MTFMT: variants seen among roughly 807,000 people sequenced by gnomAD.
MTFMT encodes the protein methionyl-tRNA formyltransferase, mitochondrial.
MTFMT carries 47 observed loss-of-function variants against 51.8 expected under a neutral mutation model. The observed-to-expected ratio is 0.91, with a 90% CI of 0.72 to 1.16. MTFMT has a LOEUF of 1.16. Ranked by LOEUF, MTFMT falls within the 50% of genes most tolerant of loss-of-function variation. The probability of loss-of-function intolerance (pLI) is 0.00; values close to 1 mark genes in which losing one functional copy is unlikely to be tolerated. For missense variants in MTFMT, 512 were observed against 482.3 expected (o/e 1.06, Z -0.58); for synonymous variants, 196 against 176.7 (o/e 1.11, Z -0.87).
chr15:65,012,007 C>T (rs1385251769), intron 6 of MTFMT, among the ~76,000 whole-genome samples: 1 of 151,744 alleles, frequency 6.6e-6, no homozygotes, highest in Non-Finnish European at 1.5e-5. Flanking sequence ...GCTTCTTTAA[C>T]TTTTACATAT....
chr15:65,007,130 T>C (rs2140474992), intron 6 of MTFMT, among the ~76,000 whole-genome samples: 1 of 152,340 alleles, frequency 6.6e-6, no homozygotes, highest in South Asian at 2.1e-4. Flanking sequence ...GCCTGGCCTC[T>C]TCAGCTCCTG....
At chr15:65,025,616 G>A (rs1461945786) in intron 2 of MTFMT, among the ~76,000 whole-genome samples, 2 of 152,116 alleles carry the variant, frequency 1.3e-5, no homozygotes, top group African/African-American at 4.8e-5. Flanking sequence ...GATTGGATAT[G>A]GGACGTAAGA....
chr15:65,029,466 C>G lies in MTFMT; in HGVS notation c.148G>C (p.Val50Leu). 6.5e-7 allele frequency: 1 copy of G among 1,532,850 alleles called. No individual in the cohort carries two copies. The highest frequency in any genetic ancestry group is 8.8e-7 in the Non-Finnish European group (1 of 1,141,748). The allele number at this position is 1,532,850 out of a possible 1,614,324, so 95.0% of individuals were successfully genotyped here. A position where few individuals can be genotyped will look rare whatever the true frequency, so the allele number is the denominator to read the frequency against. Residue 50 changes from valine (V) to leucine (L), a missense_variant, in exon 1 of 9, where the codon GTG (valine) becomes CTG (leucine). Coordinates refer to ENST00000220058, the MANE Select transcript of MTFMT (RefSeq NM_139242.4). ...SRVREKPPWR[V>L]LFFGTDQFAR... ...AACTGGTCCGTGCCGAAGAAGAGCACCCGCCAGGGAGGCTTCTCGCGGACT... is the reference window on the plus strand; with the variant it reads ...AACTGGTCCGTGCCGAAGAAGAGCAGCCGCCAGGGAGGCTTCTCGCGGACT...
intron 5 of MTFMT, 52 bp downstream of exon 5, chr15:65,020,145 C>A (rs1198063846): frequency 1.2e-5 from 18 of 1,516,056 alleles, no homozygotes; most frequent in Non-Finnish European, 1.6e-5. Context: ...CAGATGCTAT[C>A]GTGACAAGCA....
chr15:65,025,310 C>G (rs2086413097), intron 2 of MTFMT, among the ~76,000 whole-genome samples: 1 of 150,656 alleles, frequency 6.6e-6, no homozygotes, highest in Non-Finnish European at 1.5e-5. Context: ...AAGGCTGAGG[C>G]AGGAAGATCC....
At chr15:65,005,146 A>G (rs1244381607) in intron 7 of MTFMT, among the ~76,000 whole-genome samples, 1 of 152,208 alleles carries the variant, frequency 6.6e-6, no homozygotes, top group Non-Finnish European at 1.5e-5. Context: ...TCCCATGCAC[A>G]TACAAAGCTA....
At chr15:65,021,694 C>A (rs995361428) in intron 3 of MTFMT, 78 bp from the exon 4 acceptor site, 48 of 1,181,740 alleles carry the variant, frequency 4.1e-5, no homozygotes, top group Middle Eastern at 4.2e-4. Flanking sequence ...CAAAAAGATA[C>A]AAGCTGGGTA....
chr15:65,026,109 A>C (rs2140490244), intron 2 of MTFMT: 1 of 153,164 alleles, frequency 6.5e-6, no homozygotes, highest in East Asian at 1.9e-4. Context: ...CATAAATCTA[A>C]TACTATCAAG....
At chr15:65,011,940 T>C (rs796110727) in intron 6 of MTFMT, among the ~76,000 whole-genome samples, 30 of 152,248 alleles carry the variant, frequency 2.0e-4, no homozygotes, top group African/African-American at 6.5e-4. Flanking sequence ...TTCAATGTCA[T>C]GAATATTTAC....
chr15:65,006,244 C>T (rs1308697970), intron 6 of MTFMT, 53 bp from the exon 7 acceptor site: 2 of 1,356,406 alleles, frequency 1.5e-6, no homozygotes, highest in Non-Finnish European at 2.1e-6. Context: ...AACTCCCAAA[C>T]CCTTTTCAAC....
chr15:65,017,830 C>A (rs117715938), intron 5 of MTFMT, among the ~76,000 whole-genome samples: 6 of 151,850 alleles, frequency 4.0e-5, no homozygotes, highest in Non-Finnish European at 8.8e-5. Flanking sequence ...TCTCTTCTTA[C>A]TAATAGGAAG....
At chr15:65,017,744 G>A (rs1193886480) in intron 5 of MTFMT, among the ~76,000 whole-genome samples, 2 of 151,952 alleles carry the variant, frequency 1.3e-5, no homozygotes, top group African/African-American at 4.8e-5. Context: ...ACTGCAGTAA[G>A]CCATGATCAC....
At chr15:65,018,520 T>A (rs1030585615) in intron 5 of MTFMT, among the ~76,000 whole-genome samples, 1 of 152,216 alleles carries the variant, frequency 6.6e-6, no homozygotes, top group Non-Finnish European at 1.5e-5. Flanking sequence ...ACTTCTAGTT[T>A]AGTCCACTGA....
chr15:65,001,542 T>A lies in MTFMT; in HGVS notation c.*1520A>T, dbSNP rs2086176605. On this transcript the variant is annotated 3_prime_UTR_variant, in exon 9 of 9. Coordinates refer to ENST00000220058, the MANE Select transcript of MTFMT (RefSeq NM_139242.4). The stretch of plus-strand genomic sequence containing the variant: ...AATAACCTTTATTGCACAAGTAAGT[T>A]GAAAAATGTTAGCACGTTCCTACTT... The A allele has an allele frequency of 6.6e-6, 1 of 152,154 alleles. No individual in the cohort carries two copies. Among genetic ancestry groups the A allele is most frequent in the Non-Finnish European group, 1.5e-5 (1 of 68,064 alleles). The allele number at this position is 152,154 out of a possible 1,614,324, so 9.4% of individuals were successfully genotyped here.
chr15:65,025,814 G>A (rs2086418294), intron 2 of MTFMT, among the ~76,000 whole-genome samples: 2 of 152,166 alleles, frequency 1.3e-5, no homozygotes, highest in Non-Finnish European at 2.9e-5. Flanking sequence ...GAGCTAGAGG[G>A]ACCAATTTGG....
At chr15:65,025,799 G>A (rs934106416) in intron 2 of MTFMT, among the ~76,000 whole-genome samples, 72 of 152,252 alleles carry the variant, frequency 4.7e-4, no homozygotes, top group Middle Eastern at 6.8e-3. Context: ...TTTGGGGACC[G>A]AGCTGAGCTA....
chr15:65,013,043 T>G (rs1465367392), intron 6 of MTFMT, among the ~76,000 whole-genome samples: 1 of 152,162 alleles, frequency 6.6e-6, no homozygotes, highest in African/African-American at 2.4e-5. Context: ...TCTAATAGTT[T>G]TTTTTGGAAC....
chr15:65,017,552 C>G (rs1205548033), intron 5 of MTFMT, among the ~76,000 whole-genome samples: 1 of 152,150 alleles, frequency 6.6e-6, no homozygotes, highest in Non-Finnish European at 1.5e-5. Flanking sequence ...CCAGGCATGC[C>G]TTTGGGAGGC....
chr15:65,021,797 C>T (rs970798200), intron 3 of MTFMT, among the ~76,000 whole-genome samples, 181 bp from the exon 4 acceptor site: 1 of 152,116 alleles, frequency 6.6e-6, no homozygotes. Flanking sequence ...CTGGGCAACA[C>T]AGCTAGCCCC....
Sources: allele counts gnomAD v4.1 joint callset (sites outside exome capture counted in the v4.1 genomes callset), GRCh38; gene constraint gnomAD v4.1.1; transcripts MANE v1.5; gene names NCBI Gene and HGNC (gene_info 2026-07-23, HGNC 2026-07-21).